CADM2: variants seen among roughly 807,000 people sequenced by gnomAD.
CADM2 encodes the protein cell adhesion molecule 2.
A neutral mutation model predicts 49.8 loss-of-function variants in CADM2; 12 were observed. The ratio of observed to expected loss-of-function variants is 0.24; its 90% confidence interval spans 0.15 to 0.39. The LOEUF (loss-of-function observed/expected upper bound fraction) is 0.39. Among genes scored for constraint, CADM2 ranks in the 10% least tolerant of loss-of-function variants. The pLI is 1.00. For synonymous variants in CADM2, 214 were observed against 175.4 expected, an observed-to-expected ratio of 1.22 and a Z score of -1.74; for missense variants, 378 against 492.3, an observed-to-expected ratio of 0.77 and a Z score of 2.20.
intron 1 of CADM2, among the ~76,000 whole-genome samples, chr3:85,398,071 A>G (rs2034885571): frequency 6.6e-6 from 1 of 151,886 alleles, no homozygotes; most frequent in African/African-American, 2.4e-5. Flanking sequence ...TTAGTTACAT[A>G]TGTATACATG....
rs554386079 is a variant in CADM2, at chr3:85,737,916, G to A, written c.88+11368G>A. Among the ~76,000 whole-genome samples, 3 of 152,176 alleles carry A rather than the reference G, an allele frequency of 2.0e-5. No individual in the cohort carries two copies. In the East Asian group the frequency reaches 5.8e-4, roughly 29 times the overall value. On this transcript the variant is annotated intron_variant, in intron 2 of 9. Transcript: ENST00000383699. ...TTGGCCAAGCAAAAATTACCTACCA[G>A]CAGAACAGGATTTCAAAACGTTTCC...
intron 1 of CADM2, among the ~76,000 whole-genome samples, chr3:85,451,358 A>T (rs569665679): frequency 1.3e-5 from 2 of 152,218 alleles, no homozygotes; most frequent in South Asian, 4.1e-4. Context: ...CATTAATAAT[A>T]ATTGTTTTAG....
chr3:85,999,661 G>T (rs1325595008), intron 8 of CADM2, among the ~76,000 whole-genome samples: 3 of 145,148 alleles, frequency 2.1e-5, no homozygotes, highest in Admixed American at 2.0e-4. Flanking sequence ...AAAGAAAAAA[G>T]AAAGAAAGAA....
chr3:84,984,286 C>T (rs1445402088), intron 1 of CADM2, among the ~76,000 whole-genome samples: 1 of 147,876 alleles, frequency 6.8e-6, no homozygotes, highest in Non-Finnish European at 1.5e-5. Context: ...AGCTGCCTCT[C>T]TCCAGGCCTT....
At chr3:85,298,423 C>G (rs1235440132) in intron 1 of CADM2, among the ~76,000 whole-genome samples, 2 of 151,990 alleles carry the variant, frequency 1.3e-5, no homozygotes, top group Non-Finnish European at 2.9e-5. Flanking sequence ...AGGATATTTC[C>G]ACATAAATAT....
intron 1 of CADM2, among the ~76,000 whole-genome samples, chr3:85,363,725 C>A (rs1179837234): frequency 1.3e-5 from 2 of 152,346 alleles, no homozygotes; most frequent in South Asian, 2.1e-4. Context: ...CATTCTCCTG[C>A]CTCAGCCTCC....
At chr3:85,084,799 G>A (rs1300269996) in intron 1 of CADM2, among the ~76,000 whole-genome samples, 1 of 151,968 alleles carries the variant, frequency 6.6e-6, no homozygotes, top group Non-Finnish European at 1.5e-5. Flanking sequence ...AATCAACAAT[G>A]TATTTTAGGT....
intron 1 of CADM2, among the ~76,000 whole-genome samples, chr3:85,107,226 A>G (rs1375726632): frequency 6.6e-6 from 1 of 152,184 alleles, no homozygotes; most frequent in Non-Finnish European, 1.5e-5. Flanking sequence ...AGGGTTTAGA[A>G]AAGTTGAAAA....
At chr3:85,637,341 G>A (rs940731560) in intron 1 of CADM2, among the ~76,000 whole-genome samples, 2 of 151,694 alleles carry the variant, frequency 1.3e-5, no homozygotes, top group Non-Finnish European at 2.9e-5. Context: ...GGTGGCTCAC[G>A]CCTGTAATCC....
intron 1 of CADM2, among the ~76,000 whole-genome samples, chr3:85,709,254 C>T (rs893915953): frequency 6.6e-6 from 1 of 152,086 alleles, no homozygotes; most frequent in African/African-American, 2.4e-5. Flanking sequence ...TATTTCTAAA[C>T]ATGGGTTTTA....
intron 5 of CADM2, among the ~76,000 whole-genome samples, chr3:85,898,947 ATATATATATTTTTTT>A (rs1715668225): frequency 1.9e-5 from 1 of 53,746 alleles, no homozygotes; most frequent in African/African-American, 7.9e-5. Flanking sequence ...GTATATATAT[ATATATATATTTTTTT>A]TTTTTTTTTT....
chr3:85,532,552 TCAA>T (rs1438798063), intron 1 of CADM2, among the ~76,000 whole-genome samples: 1 of 152,152 alleles, frequency 6.6e-6, no homozygotes, highest in Non-Finnish European at 1.5e-5. Context: ...GGAAAATTAC[TCAA>T]CAATCCTAAA....
chr3:85,079,560 C>A (rs79135788), intron 1 of CADM2, among the ~76,000 whole-genome samples: 2 of 151,652 alleles, frequency 1.3e-5, no homozygotes, highest in Admixed American at 1.3e-4. Flanking sequence ...GAAACAGAAA[C>A]ATAGTGTTAG....
At chr3:85,227,257 C>CT (rs763012245) in intron 1 of CADM2, among the ~76,000 whole-genome samples, 38 of 152,002 alleles carry the variant, frequency 2.5e-4, no homozygotes, top group Non-Finnish European at 5.1e-4. Flanking sequence ...GTGTGGGAGT[C>CT]TAAGTCTTTT....
chr3:85,089,651 A>G (rs1380322385), intron 1 of CADM2, among the ~76,000 whole-genome samples: 1 of 152,284 alleles, frequency 6.6e-6, no homozygotes, highest in African/African-American at 2.4e-5. Context: ...AGTATTTCCA[A>G]CCTTTAACTG....
At chr3:85,444,287 T>C (rs1475802893) in intron 1 of CADM2, among the ~76,000 whole-genome samples, 3 of 152,150 alleles carry the variant, frequency 2.0e-5, no homozygotes, top group African/African-American at 7.2e-5. Context: ...TCAGAGTAAC[T>C]TGTTTCCTTG....
chr3:86,022,319 G>T (rs1733298642), intron 8 of CADM2, among the ~76,000 whole-genome samples: 1 of 151,926 alleles, frequency 6.6e-6, no homozygotes, highest in Non-Finnish European at 1.5e-5. Context: ...ATAACTATAA[G>T]CCTCAGTTAT....
At position 85,500,666 on chromosome 3, in the gene CADM2, C is replaced by T. The variant is rs141535210; in HGVS notation, c.62-225856C>T. 2.9e-3 allele frequency among the ~76,000 whole-genome samples: 440 copies of T among 151,930 alleles called. 1 individual carries two copies. The highest frequency in any genetic ancestry group is 8.1e-3 in the Admixed American group (123 of 15,250). ...CCAAGTAGCTAGGACTACAGGTGCC[C>T]GCTACTATGCCTGGCTGATTTTTTG... On this transcript the variant is annotated intron_variant, in intron 1 of 9. Coordinates refer to ENST00000383699, the MANE Select transcript of CADM2 (RefSeq NM_001167675.2).
chr3:85,890,729 C>A (rs1714316241), intron 5 of CADM2, among the ~76,000 whole-genome samples: 1 of 151,610 alleles, frequency 6.6e-6, no homozygotes, highest in African/African-American at 2.4e-5. Context: ...AGATCCCAAG[C>A]TTAACTTTCC....
Sources: allele counts gnomAD v4.1 joint callset (sites outside exome capture counted in the v4.1 genomes callset), GRCh38; gene constraint gnomAD v4.1.1; transcripts MANE v1.5; gene names NCBI Gene and HGNC (gene_info 2026-07-23, HGNC 2026-07-21).